ARHGEF10: variants seen among roughly 807,000 people sequenced by gnomAD.
ARHGEF10 encodes Rho guanine nucleotide exchange factor (GEF) 10.
Under a neutral mutation model 147.4 loss-of-function variants are expected in ARHGEF10, and 140 were observed. That is an observed-to-expected ratio of 0.95 (90% CI 0.83 to 1.09). ARHGEF10 has a LOEUF of 1.09. ARHGEF10 is among the 50% of genes least tolerant of loss of function. The pLI is 0.00. For missense variants in ARHGEF10, 2,222 were observed against 1,752.7 expected, an observed-to-expected ratio of 1.27 and a Z score of -4.78; for synonymous variants, 902 against 695.8, an observed-to-expected ratio of 1.30 and a Z score of -4.67.
chr8:1,914,925 GTCTT>G (rs1811643957), intron 18 of ARHGEF10, among the ~76,000 whole-genome samples: 2 of 152,222 alleles, frequency 1.3e-5, no homozygotes, highest in African/African-American at 4.8e-5. Context: ...TCCGGAAACA[GTCTT>G]CAGTAGCTTT....
intron 18 of ARHGEF10, among the ~76,000 whole-genome samples, chr8:1,920,670 A>C (rs1406845815): frequency 6.6e-6 from 1 of 152,204 alleles, no homozygotes; most frequent in Non-Finnish European, 1.5e-5. Context: ...TTTATCATCA[A>C]AGTTTGCGAA....
rs4546706 is a variant in ARHGEF10 at position 1,952,944 on chromosome 8, G to C, written c.3520+117G>C. 1,342,647 of 1,434,002 alleles carry C rather than the reference G, an allele frequency of 0.94. 629,010 individuals carry two copies. The highest frequency in any genetic ancestry group is 1 in the East Asian group (42,763 of 42,822). 88.8% of individuals were successfully genotyped at this position (1,434,002 alleles called of 1,614,324 possible). ...CTTTAAACAATTCATATTATCTGTGGTTTTTCAGTGTATTATAATGACTTA... is the reference window on the plus strand; with the variant it reads ...CTTTAAACAATTCATATTATCTGTGCTTTTTCAGTGTATTATAATGACTTA... On this transcript the variant is annotated intron_variant, in intron 28 of 28. Transcript: ENST00000349830.
At chr8:1,841,838 G>GCCGAACCACGA (rs1563161369) in intron 1 of ARHGEF10, among the ~76,000 whole-genome samples, 2 of 92,000 alleles carry the variant, frequency 2.2e-5, no homozygotes, top group Admixed American at 2.2e-4. Flanking sequence ...GGGCCGCGAC[G>GCCGAACCACGA]GGAACTGGGG....
intron 1 of ARHGEF10, among the ~76,000 whole-genome samples, chr8:1,830,760 G>C (rs996446103): frequency 3.3e-5 from 5 of 152,182 alleles, no homozygotes; most frequent in African/African-American, 1.2e-4. Context: ...CATACACGGG[G>C]CTACAAGGTG....
At chr8:1,869,522 G>C (rs1218832277) in intron 7 of ARHGEF10, 1 of 587,940 alleles carries the variant, frequency 1.7e-6, no homozygotes, top group African/African-American at 1.9e-5. Flanking sequence ...AAAGAGGTAG[G>C]AAACACAGAG....
intron 1 of ARHGEF10, among the ~76,000 whole-genome samples, chr8:1,825,792 G>C (rs1802737239): frequency 6.6e-6 from 1 of 152,188 alleles, no homozygotes. Context: ...GATGTAACGG[G>C]TTTTAATTCT....
intron 6 of ARHGEF10, among the ~76,000 whole-genome samples, chr8:1,868,929 A>G (rs771343605): frequency 6.6e-6 from 1 of 152,194 alleles, no homozygotes; most frequent in African/African-American, 2.4e-5. Context: ...TGGTCCATTT[A>G]AAGAGACATC....
chr8:1,922,018 A>G (rs1190813967), intron 18 of ARHGEF10, among the ~76,000 whole-genome samples: 2 of 152,180 alleles, frequency 1.3e-5, no homozygotes, highest in African/African-American at 4.8e-5. Flanking sequence ...TAAAGTACAG[A>G]CACTCAGGCT....
chr8:1,879,036 A>C (rs1807952911), intron 8 of ARHGEF10, among the ~76,000 whole-genome samples: 1 of 152,200 alleles, frequency 6.6e-6, no homozygotes, highest in African/African-American at 2.4e-5. Context: ...GGCAGCACCA[A>C]GTTTTCTCGT....
At chr8:1,905,820 G>A (rs1240331170) in intron 17 of ARHGEF10, 104 bp downstream of exon 17, 4 of 1,460,324 alleles carry the variant, frequency 2.7e-6, no homozygotes, top group East Asian at 4.6e-5. Context: ...GACTGAACTG[G>A]TTTTTTGTGC....
At chr8:1,857,859 C>G in intron 2 of ARHGEF10, 101 bp from the exon 3 acceptor site, 1 of 1,167,028 alleles carries the variant, frequency 8.6e-7, no homozygotes, top group South Asian at 1.3e-5. Context: ...GTCAGTGTCT[C>G]TGGCTAACAT....
intron 25 of ARHGEF10, 48 bp downstream of exon 25, chr8:1,929,491 G>T (rs374509656): frequency 3.8e-6 from 6 of 1,559,940 alleles, no homozygotes; most frequent in Non-Finnish European, 5.2e-6. Flanking sequence ...GGTTCACTCA[G>T]GGGACTGTGC....
chr8:1,860,588 T>G (rs989816318), intron 4 of ARHGEF10, among the ~76,000 whole-genome samples: 1 of 152,184 alleles, frequency 6.6e-6, no homozygotes, highest in Non-Finnish European at 1.5e-5. Flanking sequence ...TAGTTCATCT[T>G]CAGTGACAGG....
At chr8:1,895,015 AAC>A (rs1809859842) in intron 13 of ARHGEF10, among the ~76,000 whole-genome samples, 2 of 152,184 alleles carry the variant, frequency 1.3e-5, no homozygotes, top group Admixed American at 6.5e-5. Context: ...AAAAATAGAA[AAC>A]ACGTGATGGG....
intron 18 of ARHGEF10, among the ~76,000 whole-genome samples, chr8:1,921,723 G>A (rs979320222): frequency 1.4e-5 from 2 of 141,858 alleles, no homozygotes; most frequent in African/African-American, 2.6e-5. Context: ...GGACAAGAGC[G>A]ACACTTCGTC....
At chr8:1,902,221 C>G (rs567234875) in intron 15 of ARHGEF10, among the ~76,000 whole-genome samples, 1 of 151,958 alleles carries the variant, frequency 6.6e-6, no homozygotes, top group Non-Finnish European at 1.5e-5. Context: ...CATTGCAGAA[C>G]CACATTTAAT....
At chr8:1,896,498 G>A (rs1809987099) in intron 14 of ARHGEF10, 49 bp downstream of exon 14, 1 of 1,289,214 alleles carries the variant, frequency 7.8e-7, no homozygotes. Context: ...CTGATAACAA[G>A]TTACATGTCA....
At position 1,866,428 on chromosome 8, in the gene ARHGEF10, C is replaced by G; in HGVS notation, c.546-98C>G. On this transcript the variant is annotated intron_variant, in intron 5 of 28. Transcript: ENST00000349830. ...ACATATATATATATATTCTGACACACACACACACACACACACACACACTCT... is the reference window on the plus strand; with the variant it reads ...ACATATATATATATATTCTGACACAGACACACACACACACACACACACTCT... 7 of 537,364 alleles carry G rather than the reference C, an allele frequency of 1.3e-5. No individual in the cohort carries two copies. In the Admixed American group the frequency reaches 2.1e-4, roughly 16 times the overall value. 33.3% of individuals were successfully genotyped at this position (537,364 alleles called of 1,614,324 possible).
At position 1,834,360 on chromosome 8, in the gene ARHGEF10, C is replaced by T. The variant is rs545340207; in HGVS notation, c.-47-8993C>T. ...AGGAGGGGAGAAGATCCCACGGAGA[C>T]GGTCTCAGTCCGAGGTGAGCAGAGC... On this transcript the variant is annotated intron_variant, in intron 1 of 28. Transcript: ENST00000349830. 2.6e-4 allele frequency among the ~76,000 whole-genome samples: 40 copies of T among 152,258 alleles called. No individual in the cohort carries two copies. In the South Asian group the frequency reaches 5.2e-3, roughly 20 times the overall value.
Sources: allele counts gnomAD v4.1 joint callset (sites outside exome capture counted in the v4.1 genomes callset), GRCh38; gene constraint gnomAD v4.1.1; transcripts MANE v1.5; gene names NCBI Gene and HGNC (gene_info 2026-07-23, HGNC 2026-07-21).